Variants in ZFP64 observed in about 807,000 individuals in gnomAD.
ZFP64 encodes zinc finger protein 64.
A neutral mutation model predicts 51.6 loss-of-function variants in ZFP64; 14 were observed. The observed-to-expected ratio is 0.27, with a 90% confidence interval of 0.18 to 0.42. ZFP64 has a LOEUF of 0.42. Among genes scored for constraint, ZFP64 ranks in the 10% least tolerant of loss-of-function variants. ZFP64 has a pLI of 1.00. For missense variants in ZFP64, 754 were observed against 906.8 expected, an observed-to-expected ratio of 0.83 and a Z score of 2.16; for synonymous variants, 375 against 361.4, an observed-to-expected ratio of 1.04 and a Z score of -0.43.
chr20:52,172,248 T>C (rs1364007449), intron 2 of ZFP64, among the ~76,000 whole-genome samples: 1 of 151,852 alleles, frequency 6.6e-6, no homozygotes. Context: ...TACAGTCAGA[T>C]TGACCCTGGG....
At chr20:52,101,126 G>C (rs2079045534) in intron 5 of ZFP64, among the ~76,000 whole-genome samples, 1 of 152,154 alleles carries the variant, frequency 6.6e-6, no homozygotes, top group Non-Finnish European at 1.5e-5. Flanking sequence ...ACATCCTATA[G>C]GGCATAGGAC....
chr20:52,175,567 G>A (rs1420328303), intron 2 of ZFP64, among the ~76,000 whole-genome samples: 1 of 152,228 alleles, frequency 6.6e-6, no homozygotes, highest in Non-Finnish European at 1.5e-5. Flanking sequence ...GTCTGAGGCC[G>A]GGCATGGCGG....
At chr20:52,172,185 GGGTGTGTGTGTGTGTGTT>G (rs1186429257) in intron 2 of ZFP64, among the ~76,000 whole-genome samples, 21 of 151,902 alleles carry the variant, frequency 1.4e-4, no homozygotes, top group African/African-American at 2.9e-4. Context: ...TCATTGCCAG[GGGTGTGTGTGTGTGTGTT>G]GGTGTGTGTG....
intron 5 of ZFP64, among the ~76,000 whole-genome samples, chr20:52,099,657 A>G (rs2079029971): frequency 6.6e-6 from 1 of 152,242 alleles, no homozygotes; most frequent in Admixed American, 6.5e-5. Context: ...TAGTCTAAGG[A>G]TGAATGTTGA....
intron 5 of ZFP64, among the ~76,000 whole-genome samples, chr20:52,112,111 A>AAC (rs146869649): frequency 4.7e-5 from 7 of 147,454 alleles, no homozygotes; most frequent in Admixed American, 3.5e-4. Flanking sequence ...CAAAAAAAAA[A>AAC]CAAGAATCCC....
chr20:52,087,228 T>A (rs1284332489), intron 8 of ZFP64, among the ~76,000 whole-genome samples: 3 of 152,230 alleles, frequency 2.0e-5, no homozygotes, highest in Admixed American at 2.0e-4. Flanking sequence ...CTTAGAATTG[T>A]GGACTTCATT....
At chr20:52,154,332 T>C (rs568304472) in intron 5 of ZFP64, among the ~76,000 whole-genome samples, 24 of 152,288 alleles carry the variant, frequency 1.6e-4, no homozygotes, top group Admixed American at 4.6e-4. Context: ...ATTATTAATA[T>C]TGTTTTTTAA....
chr20:52,171,085 T>C (rs1175774435), intron 2 of ZFP64, among the ~76,000 whole-genome samples: 2 of 152,230 alleles, frequency 1.3e-5, no homozygotes, highest in Middle Eastern at 3.2e-3. Context: ...CAGAATTCAA[T>C]AGCAACAAAG....
intron 5 of ZFP64, among the ~76,000 whole-genome samples, chr20:52,126,910 ATT>A (rs145753021): frequency 0.055 from 7,989 of 144,916 alleles, 276 homozygotes; most frequent in Admixed American, 0.11. Flanking sequence ...AGTGGAAAGA[ATT>A]TTTTTTTTTT....
Position 52,186,921 on chromosome 20 carries a change from G to C in ZFP64, c.197C>G (p.Thr66Arg). The change falls in exon 2 of 6, where the codon ACG becomes AGG. Residue 66 changes from threonine (T) to arginine (R), a missense_variant. This residue lies in a region of ZFP64 where 95 missense variants were observed against 97.7 expected (regional missense o/e 0.97). Transcript: ENST00000216923. ...TGTTTCCTCCGATACAAACTGGACC[G>C]TGCTGGGGGCTGCTGCGGATGTGCC... ...LTGTSAAAPS[T>R]VQFVSEETVP... 1 of 1,614,108 alleles carries C rather than the reference G, an allele frequency of 6.2e-7. No homozygotes were observed. The highest frequency in any genetic ancestry group is 8.5e-7 in the Non-Finnish European group (1 of 1,179,988).
At chr20:52,111,519 A>ATT (rs528362906) in intron 5 of ZFP64, among the ~76,000 whole-genome samples, 2 of 147,148 alleles carry the variant, frequency 1.4e-5, no homozygotes, top group African/African-American at 2.5e-5. Flanking sequence ...CCAGAATCCG[A>ATT]TTTTTTTTTT....
chr20:52,127,635 C>T (rs1395843225), intron 5 of ZFP64, among the ~76,000 whole-genome samples: 2 of 152,156 alleles, frequency 1.3e-5, no homozygotes, highest in Non-Finnish European at 2.9e-5. Context: ...AACCTTTTTC[C>T]ATTATAAATT....
At chr20:52,156,411 A>G (rs1263671610) in intron 5 of ZFP64, among the ~76,000 whole-genome samples, 1 of 152,182 alleles carries the variant, frequency 6.6e-6, no homozygotes, top group Non-Finnish European at 1.5e-5. Context: ...CTCGGTCATG[A>G]CCATGCGGTC....
Position 52,120,667 on chromosome 20 carries a change from C to CTT in ZFP64, c.764-22082_764-22081dup, listed in dbSNP as rs11469627. Among the ~76,000 whole-genome samples, 49 of 57,484 alleles carry CTT rather than the reference C, an allele frequency of 8.5e-4. 5 individuals are homozygous for CTT. The highest frequency in any genetic ancestry group is 2.4e-3 in the East Asian group (4 of 1,662). 37.7% of individuals were successfully genotyped at this position (57,484 alleles called of 152,430 possible). A position where few individuals can be genotyped will look rare whatever the true frequency, so the allele number is the denominator to read the frequency against. ...TATATCTGTTAATGTGATCAGTGAT[C>CTT]TTTTTTTTTTTTTTTTTTTTTTTTT... On this transcript the variant is annotated intron_variant, in intron 5 of 8. Coordinates refer to the ZFP64 transcript ENST00000361387.
At chr20:52,089,119 CA>C in intron 7 of ZFP64, 2 of 481,164 alleles carry the variant, frequency 4.2e-6, no homozygotes, top group Non-Finnish European at 8.2e-6. Flanking sequence ...ATGCCAGGGA[CA>C]GCAGAAGACC....
Position 52,098,451 on chromosome 20 carries a change from G to C in ZFP64, c.900C>G (p.Asn300Lys). 1 of 1,614,048 alleles carries C rather than the reference G, an allele frequency of 6.2e-7. No individual in the cohort carries two copies. The change falls in exon 6 of 9, where the codon AAC (asparagine) becomes AAG (lysine). Residue 300 changes from asparagine to lysine, a missense_variant. Coordinates refer to the ZFP64 transcript ENST00000361387. The stretch of plus-strand genomic sequence containing the variant: ...TTTTACTCTTACCTGGGTAGCAACA[G>C]TTGAACGTCCTCTCTCCAAGGGTGG...
chr20:52,153,571 G>T lies in ZFP64; in HGVS notation c.764-143C>A, dbSNP rs572249394. ...GCAGCTTCTAGCAGCCCCTGGCAGT[G>T]GGGGAAGAGGGGCAGGGCGTCTTTA... On this transcript the variant is annotated intron_variant, in intron 5 of 5. Transcript: ENST00000216923. This position sits in a 1 kb window ranked among gnomAD's most constrained non-coding sequence, Gnocchi z 5.1. 4.6e-5 allele frequency: 58 copies of T among 1,255,576 alleles called. 1 individual carries two copies. The Middle Eastern group carries it at 1.2e-3, about 25-fold the overall frequency. The allele number at this position is 1,255,576 out of a possible 1,614,324, so 77.8% of individuals were successfully genotyped here. A position where few individuals can be genotyped will look rare whatever the true frequency, so the allele number is the denominator to read the frequency against.
intron 5 of ZFP64, among the ~76,000 whole-genome samples, chr20:52,128,743 C>T (rs1203821828): frequency 6.6e-6 from 1 of 152,146 alleles, no homozygotes; most frequent in Non-Finnish European, 1.5e-5. Context: ...GTAACAAGGG[C>T]TGATTTCCAC....
At chr20:52,100,123 G>C (rs1036850368) in intron 5 of ZFP64, among the ~76,000 whole-genome samples, 2 of 152,056 alleles carry the variant, frequency 1.3e-5, no homozygotes, top group African/African-American at 2.4e-5. Flanking sequence ...TCTCCCAACG[G>C]GGACTACAGG....
Sources: gnomAD v4.1 joint callset for allele counts (sites outside exome capture counted in the v4.1 genomes callset) on GRCh38, gnomAD v4.1.1 for gene constraint, gnomAD v4.1.1 regional missense constraint, Gnocchi (gnomAD v3.1) non-coding constraint, MANE v1.5 for transcripts, NCBI Gene and HGNC (gene_info 2026-07-23, HGNC 2026-07-21) for gene names.